Variants in TFAP2D observed in about 807,000 individuals in gnomAD.
TFAP2D encodes the protein transcription factor AP-2 delta, also known as transcription factor AP-2-delta.
TFAP2D carries 9 observed loss-of-function variants against 43.6 expected under a neutral mutation model. The observed-to-expected ratio is 0.21, with a 90% CI of 0.12 to 0.36. TFAP2D has a LOEUF of 0.36. TFAP2D is among the 10% of genes least tolerant of loss of function. TFAP2D has a pLI of 1.00. For missense variants in TFAP2D, 513 were observed against 561.4 expected (o/e 0.91, Z 0.87); for synonymous variants, 256 against 224.9 (o/e 1.14, Z -1.24).
chr6:50,752,773 G>A (rs1368442308), intron 7 of TFAP2D, among the ~76,000 whole-genome samples: 1 of 151,764 alleles, frequency 6.6e-6, no homozygotes. Context: ...ATAAAACTGG[G>A]GGAAAATAAA....
intron 5 of TFAP2D, among the ~76,000 whole-genome samples, chr6:50,740,007 G>GT (rs1769015447): frequency 6.6e-6 from 1 of 152,172 alleles, no homozygotes; most frequent in African/African-American, 2.4e-5. Flanking sequence ...TGGGAAATCT[G>GT]TAAGTCAGGG....
At chr6:50,728,543 G>C (rs967905341) in intron 3 of TFAP2D, among the ~76,000 whole-genome samples, 1 of 152,278 alleles carries the variant, frequency 6.6e-6, no homozygotes, top group Admixed American at 6.5e-5. Context: ...TCAGGTTTTT[G>C]ATTAATTGAA....
chr6:50,756,413 T>C (rs1035839794), intron 7 of TFAP2D, among the ~76,000 whole-genome samples: 1 of 152,126 alleles, frequency 6.6e-6, no homozygotes, highest in Non-Finnish European at 1.5e-5. Flanking sequence ...CTATTCTATT[T>C]AGTTAAACCT....
intron 3 of TFAP2D, among the ~76,000 whole-genome samples, chr6:50,722,845 G>C (rs1768750355): frequency 6.6e-6 from 1 of 152,038 alleles, no homozygotes; most frequent in Admixed American, 6.5e-5. Context: ...AGGAAAAAAT[G>C]AAAAAAGTGA....
intron 5 of TFAP2D, among the ~76,000 whole-genome samples, chr6:50,734,057 T>A (rs1768930495): frequency 6.6e-6 from 1 of 151,608 alleles, no homozygotes; most frequent in South Asian, 2.1e-4. Flanking sequence ...TAAATATGTA[T>A]CAGCAAAAGA....
rs749930525 is a variant in TFAP2D at position 50,768,955 on chromosome 6, TG to T, written c.1140-3689del. Among the ~76,000 whole-genome samples the T allele has an allele frequency of 4.8e-5, 7 of 146,414 alleles. No homozygotes were observed. In the East Asian group the frequency reaches 1.6e-3, roughly 33 times the overall value. On this transcript the variant is annotated intron_variant, in intron 7 of 7. Transcript: ENST00000008391. ...TCTCCCTCTGTTGCCCAGGCTGGAA[TG>T]CAATAGCACGATCTTGCCTCTGCCT...
At chr6:50,736,014 G>A (rs1768959063) in intron 5 of TFAP2D, among the ~76,000 whole-genome samples, 4 of 152,052 alleles carry the variant, frequency 2.6e-5, no homozygotes, top group Admixed American at 2.6e-4. Context: ...TCTTACACAG[G>A]TACCAACAAT....
At chr6:50,728,772 A>C (rs1768843135) in intron 3 of TFAP2D, 84 bp from the exon 4 acceptor site, 1 of 1,388,138 alleles carries the variant, frequency 7.2e-7, no homozygotes, top group Non-Finnish European at 1.0e-6. Flanking sequence ...CCAAATCCAG[A>C]ATAGTCTTTT....
intron 1 of TFAP2D, among the ~76,000 whole-genome samples, chr6:50,714,623 G>C (rs1436287122): frequency 2.6e-5 from 4 of 152,214 alleles, no homozygotes. Flanking sequence ...TGAGCAGCCC[G>C]GGCCGAACAT....
intron 1 of TFAP2D, among the ~76,000 whole-genome samples, chr6:50,714,903 T>A (rs557313451): frequency 6.1e-4 from 93 of 152,194 alleles, no homozygotes; most frequent in African/African-American, 2.1e-3. Flanking sequence ...CTCTCTCGAC[T>A]GTGAGGACGA....
At chr6:50,738,673 A>G (rs1247049346) in intron 5 of TFAP2D, among the ~76,000 whole-genome samples, 4 of 152,100 alleles carry the variant, frequency 2.6e-5, no homozygotes, top group Non-Finnish European at 4.4e-5. Flanking sequence ...TTTAAGTGCA[A>G]GCTTCATCTT....
intron 3 of TFAP2D, among the ~76,000 whole-genome samples, chr6:50,724,579 G>A (rs7740050): frequency 2.0e-5 from 3 of 152,072 alleles, no homozygotes; most frequent in Admixed American, 1.3e-4. Flanking sequence ...GTTCTGAGAC[G>A]GGGGAGGCGC....
At chr6:50,755,554 G>C (rs1024155326) in intron 7 of TFAP2D, among the ~76,000 whole-genome samples, 2 of 151,946 alleles carry the variant, frequency 1.3e-5, no homozygotes, top group Non-Finnish European at 2.9e-5. Context: ...ATTCTGATAG[G>C]TAGGTTTAAG....
At position 50,757,423 on chromosome 6, in the gene TFAP2D, GAATA is replaced by G. The variant is rs557425810; in HGVS notation, c.1139+6100_1139+6103del. 2.3e-3 allele frequency among the ~76,000 whole-genome samples: 253 copies of G among 107,728 alleles called. 1 individual carries two copies. The highest frequency in any genetic ancestry group is 9.5e-3 in the African/African-American group (244 of 25,772). 70.7% of individuals were successfully genotyped at this position (107,728 alleles called of 152,430 possible). A position where few individuals can be genotyped will look rare whatever the true frequency, so the allele number is the denominator to read the frequency against. On this transcript the variant is annotated intron_variant, in intron 7 of 7. Transcript: ENST00000008391. Reference sequence around the variant, plus strand: ...AATATATAATTATTCTCTCTATATAGAATATATATAGAATATATATACTTATTCT... The same window carrying G: ...AATATATAATTATTCTCTCTATATAGTATATAGAATATATATACTTATTCT...
intron 5 of TFAP2D, among the ~76,000 whole-genome samples, chr6:50,742,524 T>TTGGA (rs202014854): frequency 0.013 from 1,988 of 151,086 alleles, 41 homozygotes; most frequent in African/African-American, 0.046. Flanking sequence ...AGAAAAAGGA[T>TTGGA]TGGATGGATG....
rs1181806829 is a variant in TFAP2D, at chr6:50,713,554, G to C, written c.-502G>C. On this transcript the variant is annotated 5_prime_UTR_variant, in exon 1 of 8. An upstream start codon of the reference 5' UTR is lost. Transcript: ENST00000008391. ...TAGAGCTCTAGCTTCACAATAAAAT[G>C]TGTGCAAATACTCTCCACAGAGATA... Among the ~76,000 whole-genome samples the C allele has an allele frequency of 6.6e-6, 1 of 152,098 alleles. No individual in the cohort carries two copies. The highest frequency in any genetic ancestry group is 1.5e-5 in the Non-Finnish European group (1 of 68,020).
intron 6 of TFAP2D, among the ~76,000 whole-genome samples, chr6:50,748,859 T>G (rs1176182475): frequency 6.6e-6 from 1 of 151,882 alleles, no homozygotes; most frequent in Non-Finnish European, 1.5e-5. Context: ...ATTTCAGACA[T>G]CAGCTAAAAA....
At chr6:50,754,278 T>C (rs916620340) in intron 7 of TFAP2D, among the ~76,000 whole-genome samples, 2 of 151,982 alleles carry the variant, frequency 1.3e-5, no homozygotes, top group Non-Finnish European at 1.5e-5. Context: ...TCCATGTTCA[T>C]CCATGTCATA....
At chr6:50,719,499 A>AAG (rs944106656) in intron 3 of TFAP2D, among the ~76,000 whole-genome samples, 3 of 124,190 alleles carry the variant, frequency 2.4e-5, no homozygotes, top group Non-Finnish European at 5.7e-5. Context: ...GAAAGAAAGA[A>AAG]AGAAGTTTCT....
Sources: gnomAD v4.1 joint callset for allele counts (sites outside exome capture counted in the v4.1 genomes callset) on GRCh38, gnomAD v4.1.1 for gene constraint, MANE v1.5 for transcripts, NCBI Gene and HGNC (gene_info 2026-07-23, HGNC 2026-07-21) for gene names.